Variants in ARHGAP29 observed in about 807,000 individuals in gnomAD.
The protein encoded by ARHGAP29 is rho GTPase-activating protein 29.
Under a neutral mutation model 122.6 loss-of-function variants are expected in ARHGAP29, and 43 were observed. That is an observed-to-expected ratio of 0.35 (90% CI 0.27 to 0.45). The LOEUF is 0.45. ARHGAP29 is among the 20% of genes least tolerant of loss of function. ARHGAP29 has a pLI of 1.00. For synonymous variants in ARHGAP29, 506 were observed against 497.1 expected, an observed-to-expected ratio of 1.02 and a Z score of -0.24; for missense variants, 1,303 against 1,477.2, an observed-to-expected ratio of 0.88 and a Z score of 1.93.
At position 94,217,508 on chromosome 1, in the gene ARHGAP29, G is replaced by A. The variant is rs1815428; in HGVS notation, c.340+2750C>T. On this transcript the variant is annotated intron_variant, in intron 3 of 22. Coordinates refer to ENST00000260526, the MANE Select transcript of ARHGAP29 (RefSeq NM_004815.4). ...GAGATCATGCCACTGCACTCCAGCC[G>A]GTGTGACAGAGACACCGTCTCAAAA... 3.9e-3 allele frequency among the ~76,000 whole-genome samples: 589 copies of A among 149,788 alleles called. 6 individuals carry two copies. Among genetic ancestry groups the A allele is most frequent in the Middle Eastern group, 0.017 (5 of 288 alleles).
intron 12 of ARHGAP29, among the ~76,000 whole-genome samples, chr1:94,196,256 C>CTTTTTTTTTTT (rs917635883): frequency 5.9e-4 from 54 of 91,140 alleles, no homozygotes; most frequent in South Asian, 1.3e-3. Flanking sequence ...CCGTGTTTTT[C>CTTTTTTTTTTT]TTTTTTTTTT....
chr1:94,246,969 G>T (rs372589964), intron 1 of ARHGAP29, among the ~76,000 whole-genome samples: 1 of 152,238 alleles, frequency 6.6e-6, no homozygotes, highest in East Asian at 1.9e-4. Context: ...TCCAGAAGGG[G>T]CACACGGTGA....
upstream of ARHGAP29, among the ~76,000 whole-genome samples, chr1:94,237,998 A>G (rs1321218184): frequency 3.0e-5 from 4 of 133,482 alleles, no homozygotes; most frequent in East Asian, 8.7e-4. Context: ...CCAGCCATCT[A>G]CTCTGCCCCT....
rs1180427760 is a variant in ARHGAP29 at position 94,201,738 on chromosome 1, A to G, written c.1263T>C (p.Cys421=). 6.2e-7 allele frequency: 1 copy of G among 1,613,820 alleles called. No homozygotes were observed. The highest frequency in any genetic ancestry group is 8.5e-7 in the Non-Finnish European group (1 of 1,179,936). Residue 421 remains cysteine (C), a synonymous_variant, in exon 12 of 23, where the codon TGT becomes TGC. Transcript: ENST00000260526. ...TACTTACAGCTTTAAGGGTAAGATC[A>G]CACTGGAAAACAAGTGTCCGGAGTT... is the stretch of plus-strand genomic sequence containing the variant. ...LAQLRTLVFQ[C]DLTLKAVTVN...
At chr1:94,208,071 C>G (rs548081038) in intron 5 of ARHGAP29, among the ~76,000 whole-genome samples, 2 of 152,196 alleles carry the variant, frequency 1.3e-5, no homozygotes, top group African/African-American at 4.8e-5. Flanking sequence ...CTCCTGTCCT[C>G]AAGTGATCCT....
chr1:94,183,139 T>C (rs1380010566), intron 19 of ARHGAP29, among the ~76,000 whole-genome samples: 1 of 152,222 alleles, frequency 6.6e-6, no homozygotes. Context: ...TTATGCATTA[T>C]ATGTATCAAA....
At chr1:94,238,065 T>A (rs1417627546), upstream of ARHGAP29, among the ~76,000 whole-genome samples, 3 of 139,472 alleles carry the variant, frequency 2.2e-5, no homozygotes, top group Non-Finnish European at 4.7e-5. Context: ...TTTTTTTTTT[T>A]TTTTTTTTTT....
chr1:94,293,110 C>G, the ARHGAP29 span, among the ~76,000 whole-genome samples: 1 of 152,206 alleles, frequency 6.6e-6, no homozygotes, highest in African/African-American at 2.4e-5. Flanking sequence ...CTGTGGTGGG[C>G]TCCGCCCAGT....
At chr1:94,177,429 T>A (rs1049475772) in intron 22 of ARHGAP29, 183 bp downstream of exon 22, 1 of 449,118 alleles carries the variant, frequency 2.2e-6, no homozygotes, top group African/African-American at 2.0e-5. Flanking sequence ...TTATGAAGAA[T>A]GACATTCATT....
At chr1:94,201,427 TAG>T (rs930307867) in intron 12 of ARHGAP29, among the ~76,000 whole-genome samples, 3 of 152,154 alleles carry the variant, frequency 2.0e-5, no homozygotes, top group East Asian at 1.9e-4. Flanking sequence ...CTTCTGCAGA[TAG>T]AGACTTCTCT....
At chr1:94,288,812 G>A in the ARHGAP29 span, among the ~76,000 whole-genome samples, 2 of 152,134 alleles carry the variant, frequency 1.3e-5, no homozygotes, top group African/African-American at 4.8e-5. Context: ...AGTTGTAGAT[G>A]TGTGGTGTTA....
At chr1:94,304,405 G>T in the ARHGAP29 span, among the ~76,000 whole-genome samples, 1 of 152,186 alleles carries the variant, frequency 6.6e-6, no homozygotes. Context: ...CTCCCAAAAT[G>T]CTGGGATAAC....
intron 15 of ARHGAP29, among the ~76,000 whole-genome samples, chr1:94,187,137 T>A (rs1649856233): frequency 6.6e-6 from 1 of 152,186 alleles, no homozygotes; most frequent in African/African-American, 2.4e-5. Flanking sequence ...GGCAGGGAGC[T>A]GAGACCACAG....
chr1:94,174,186 T>G lies in ARHGAP29; in HGVS notation c.3469A>C (p.Thr1157Pro). Residue 1157 changes from threonine to proline, a missense_variant, in exon 23 of 23, where the codon ACA becomes CCA. By Grantham distance (38) the Thr-to-Pro change is conservative (BLOSUM62 -1). Around this residue, in one of 3 missense-constraint regions of ARHGAP29, gnomAD observed 620 missense variants for 651.2 expected, o/e 0.95. Coordinates refer to ENST00000260526, the MANE Select transcript of ARHGAP29 (RefSeq NM_004815.4). ...YPLAPVRAPR[T>P]LQPQHWTTFY... ...GTTGTCCAATGTTGAGGCTGCAGTG[T>G]TCTGGGTGCTCTGACAGGAGCGAGA... The G allele has an allele frequency of 6.2e-7, 1 of 1,614,200 alleles. No homozygotes were observed. The highest frequency in any genetic ancestry group is 8.5e-7 in the Non-Finnish European group (1 of 1,180,036).
chr1:94,216,927 C>A (rs1047519747), intron 3 of ARHGAP29, among the ~76,000 whole-genome samples: 2 of 152,018 alleles, frequency 1.3e-5, no homozygotes, highest in Non-Finnish European at 2.9e-5. Context: ...AAATACAAAT[C>A]ACTATTAGAA....
intron 2 of ARHGAP29, among the ~76,000 whole-genome samples, chr1:94,227,704 T>A (rs1652686937): frequency 6.6e-6 from 1 of 151,798 alleles, no homozygotes; most frequent in Admixed American, 6.6e-5. Flanking sequence ...TGGCAGACTT[T>A]AAAAATTATT....
At chr1:94,179,592 CAAAAAAAAAAAAAAAAA>C in intron 20 of ARHGAP29, 116 bp downstream of exon 20, 2 of 219,898 alleles carry the variant, frequency 9.1e-6, no homozygotes, top group Non-Finnish European at 1.5e-5. Context: ...GACTCTGTCT[CAAAAAAAAAAAAAAAAA>C]AAAAAAAAAG....
chr1:94,299,856 G>A, the ARHGAP29 span, among the ~76,000 whole-genome samples: 2 of 152,144 alleles, frequency 1.3e-5, no homozygotes, highest in South Asian at 2.1e-4. Context: ...GGGCAGCCAC[G>A]CTGTGTTTGG....
chr1:94,183,057 G>A (rs1649576906), intron 19 of ARHGAP29, among the ~76,000 whole-genome samples: 1 of 152,118 alleles, frequency 6.6e-6, no homozygotes, highest in Non-Finnish European at 1.5e-5. Flanking sequence ...CTAAAAGGAG[G>A]GTAATGAATG....
Sources: allele counts gnomAD v4.1 joint callset (sites outside exome capture counted in the v4.1 genomes callset), GRCh38; gene constraint gnomAD v4.1.1; regional missense constraint gnomAD v4.1.1; transcripts MANE v1.5; gene names NCBI Gene and HGNC (gene_info 2026-07-23, HGNC 2026-07-21).